Variants in EFNA5 observed in about 807,000 individuals in gnomAD.
EFNA5 encodes ephrin-A5.
A neutral mutation model predicts 22.9 loss-of-function variants in EFNA5; 5 were observed. The observed-to-expected ratio is 0.22, with a 90% CI of 0.11 to 0.46. The LOEUF is 0.46. Ranked by LOEUF, EFNA5 falls within the 20% of genes least tolerant of loss-of-function variation. EFNA5 has a pLI of 0.99. For synonymous variants in EFNA5, 113 were observed against 112.2 expected, an observed-to-expected ratio of 1.01 and a Z score of -0.04; for missense variants, 237 against 293.3, an observed-to-expected ratio of 0.81 and a Z score of 1.40.
chr5:107,655,774 G>T (rs1181840785), intron 1 of EFNA5, among the ~76,000 whole-genome samples: 2 of 152,116 alleles, frequency 1.3e-5, no homozygotes, highest in Non-Finnish European at 2.9e-5. Flanking sequence ...TAGGAAAGCA[G>T]CCCTTTGGCA....
At chr5:107,558,179 C>T (rs1187699096) in intron 1 of EFNA5, among the ~76,000 whole-genome samples, 3 of 152,020 alleles carry the variant, frequency 2.0e-5, no homozygotes, top group Non-Finnish European at 4.4e-5. Context: ...CAAGCTTACA[C>T]CGAAATATTC....
intron 1 of EFNA5, among the ~76,000 whole-genome samples, chr5:107,513,626 T>C (rs1183120765): frequency 6.6e-6 from 1 of 152,180 alleles, no homozygotes; most frequent in East Asian, 1.9e-4. Context: ...GTTCATTTAT[T>C]TATTCTACAT....
intron 1 of EFNA5, among the ~76,000 whole-genome samples, chr5:107,522,194 T>C (rs1747612520): frequency 1.3e-5 from 2 of 152,202 alleles, no homozygotes; most frequent in Non-Finnish European, 2.9e-5. Flanking sequence ...TTGTACTCAC[T>C]AGCATGCATA....
rs1283040321 is a variant in EFNA5 at position 107,592,017 on chromosome 5, TATA to T, written c.125+78469_125+78471del. On this transcript the variant is annotated intron_variant, in intron 1 of 4. Transcript: ENST00000333274. The stretch of plus-strand genomic sequence containing the variant: ...TATATATAATATATAATATATATAA[TATA>T]ATATATATTATATATTATATATATT... 2.0e-4 allele frequency among the ~76,000 whole-genome samples: 12 copies of T among 60,556 alleles called. 1 individual carries two copies. The highest frequency in any genetic ancestry group is 5.5e-4 in the Admixed American group (2 of 3,640). 39.7% of individuals were successfully genotyped at this position (60,556 alleles called of 152,430 possible).
intron 1 of EFNA5, among the ~76,000 whole-genome samples, chr5:107,571,808 A>T (rs1264817925): frequency 2.0e-5 from 3 of 152,076 alleles, no homozygotes; most frequent in Non-Finnish European, 4.4e-5. Flanking sequence ...TCTCGTAGAG[A>T]CACTCCTTTA....
Position 107,379,116 on chromosome 5 carries a change from A to C in EFNA5, c.*2139T>G, listed in dbSNP as rs1747357402. ...AATGGTGGCTGCCTTCTGTGATAAG[A>C]CTCTGCCACTCCAGAGGAGTTCCTT... On this transcript the variant is annotated 3_prime_UTR_variant, in exon 5 of 5. Coordinates refer to ENST00000333274, the MANE Select transcript of EFNA5 (RefSeq NM_001962.3). 6.6e-6 allele frequency: 1 copy of C among 152,048 alleles called. No homozygotes were observed. The highest frequency in any genetic ancestry group is 1.5e-5 in the Non-Finnish European group (1 of 68,014). The allele number at this position is 152,048 out of a possible 1,614,324, so 9.4% of individuals were successfully genotyped here.
chr5:107,544,622 G>T (rs1403137491), intron 1 of EFNA5, among the ~76,000 whole-genome samples: 7 of 152,098 alleles, frequency 4.6e-5, no homozygotes, highest in Admixed American at 2.0e-4. Context: ...CACTTTGAAG[G>T]AATAAGAGCA....
At chr5:107,543,091 G>C (rs6879279) in intron 1 of EFNA5, among the ~76,000 whole-genome samples, 42,831 of 152,170 alleles carry the variant, frequency 0.28, 9,486 homozygotes, top group African/African-American at 0.62. Flanking sequence ...CCAAGAAATG[G>C]AAGAGGCCAG....
At chr5:107,612,611 G>GT (rs1399345100) in intron 1 of EFNA5, among the ~76,000 whole-genome samples, 2 of 152,104 alleles carry the variant, frequency 1.3e-5, no homozygotes, top group Non-Finnish European at 2.9e-5. Flanking sequence ...AAAGTTATCA[G>GT]TGAGAGCATG....
At chr5:107,436,917 T>G (rs1403615730) in intron 1 of EFNA5, among the ~76,000 whole-genome samples, 1 of 151,070 alleles carries the variant, frequency 6.6e-6, no homozygotes, top group Non-Finnish European at 1.5e-5. Flanking sequence ...GTTTCAAAAA[T>G]AATAATAATA....
intron 1 of EFNA5, among the ~76,000 whole-genome samples, chr5:107,599,817 G>A (rs1288173458): frequency 6.6e-6 from 1 of 152,212 alleles, no homozygotes; most frequent in East Asian, 1.9e-4. Context: ...GAAGACTCCA[G>A]TGAGTTGCTC....
chr5:107,469,394 A>ATT (rs5870262), intron 1 of EFNA5, among the ~76,000 whole-genome samples: 131 of 151,116 alleles, frequency 8.7e-4, no homozygotes, highest in African/African-American at 1.4e-3. Context: ...TCTTTCTTTT[A>ATT]TTTTTTTTTG....
At chr5:107,666,999 G>A (rs1447283272) in intron 1 of EFNA5, among the ~76,000 whole-genome samples, 1 of 151,948 alleles carries the variant, frequency 6.6e-6, no homozygotes, top group African/African-American at 2.4e-5. Flanking sequence ...AGAAATTAAG[G>A]ACAAATAGTT....
At chr5:107,437,656 C>A (rs886909966) in intron 1 of EFNA5, among the ~76,000 whole-genome samples, 15 of 152,178 alleles carry the variant, frequency 9.9e-5, no homozygotes, top group African/African-American at 3.6e-4. Context: ...ACACTTAGCA[C>A]CATGTTTGCA....
intron 1 of EFNA5, among the ~76,000 whole-genome samples, chr5:107,539,362 T>C (rs1747996292): frequency 6.6e-6 from 1 of 152,192 alleles, no homozygotes; most frequent in Non-Finnish European, 1.5e-5. Flanking sequence ...GTGGCATGGC[T>C]GTGGGTAATA....
intron 1 of EFNA5, among the ~76,000 whole-genome samples, chr5:107,542,811 G>A (rs1311361007): frequency 1.3e-5 from 2 of 152,076 alleles, no homozygotes; most frequent in East Asian, 1.9e-4. Flanking sequence ...ATAAATATTA[G>A]TTCAATTGTT....
chr5:107,669,897 G>A (rs1751150755), intron 1 of EFNA5, among the ~76,000 whole-genome samples: 1 of 151,980 alleles, frequency 6.6e-6, no homozygotes, highest in African/African-American at 2.4e-5. Flanking sequence ...GACTGACTCA[G>A]GGGCCGAATG....
chr5:107,670,376 G>C lies in EFNA5; in HGVS notation c.125+113C>G, dbSNP rs1458847310. Reference sequence around the variant, plus strand: ...AAGCCATCAGCGCCCGGGCGACGCAGGCTCCGAGGGTGCGCGCCGCCAGCG... The same window carrying C: ...AAGCCATCAGCGCCCGGGCGACGCACGCTCCGAGGGTGCGCGCCGCCAGCG... On this transcript the variant is annotated intron_variant, in intron 1 of 4. Coordinates refer to ENST00000333274, the MANE Select transcript of EFNA5 (RefSeq NM_001962.3). 6.8e-6 allele frequency: 9 copies of C among 1,332,732 alleles called. No individual in the cohort carries two copies. In the South Asian group the frequency reaches 9.9e-5, roughly 15 times the overall value. 82.6% of individuals were successfully genotyped at this position (1,332,732 alleles called of 1,614,324 possible).
intron 1 of EFNA5, among the ~76,000 whole-genome samples, chr5:107,538,989 C>T (rs1747988507): frequency 6.6e-6 from 1 of 152,200 alleles, no homozygotes; most frequent in Non-Finnish European, 1.5e-5. Flanking sequence ...GCGACTGTCA[C>T]AACATTCACA....
Sources: allele counts gnomAD v4.1 joint callset (sites outside exome capture counted in the v4.1 genomes callset), GRCh38; gene constraint gnomAD v4.1.1; transcripts MANE v1.5; gene names NCBI Gene and HGNC (gene_info 2026-07-23, HGNC 2026-07-21).